Variants in WDR12 observed in about 807,000 individuals in gnomAD.
WDR12 encodes the protein WD repeat domain 12.
WDR12 carries 42 observed loss-of-function variants against 64.3 expected under a neutral mutation model. The observed-to-expected ratio is 0.65, with a 90% CI of 0.51 to 0.84. The LOEUF is 0.84. Ranked by LOEUF, WDR12 falls within the 40% of genes least tolerant of loss-of-function variation. The pLI is 0.00. For missense variants in WDR12, 469 were observed against 494.6 expected, an observed-to-expected ratio of 0.95 and a Z score of 0.49; for synonymous variants, 158 against 173.3, an observed-to-expected ratio of 0.91 and a Z score of 0.70.
chr2:202,879,821 A>T lies in WDR12; in HGVS notation c.*1039T>A, dbSNP rs1001568807. On this transcript the variant is annotated 3_prime_UTR_variant, in exon 13 of 13. Coordinates refer to ENST00000261015, the MANE Select transcript of WDR12 (RefSeq NM_018256.4). ...CAGTGGCACAATCTCAGCTCACTAC[A>T]ACCCCTGCCTCCCGGGTTCAAGCAA... The T allele has an allele frequency of 6.6e-6, 1 of 151,948 alleles. No individual in the cohort carries two copies. Among genetic ancestry groups the T allele is most frequent in the African/African-American group, 2.4e-5 (1 of 41,294 alleles). 9.4% of individuals were successfully genotyped at this position (151,948 alleles called of 1,614,324 possible).
Position 202,880,662 on chromosome 2 carries a change from C to T in WDR12, c.*198G>A, listed in dbSNP as rs142745590. 934 of 345,396 alleles carry T rather than the reference C, an allele frequency of 2.7e-3. 12 individuals carry two copies. The highest frequency in any genetic ancestry group is 0.018 in the African/African-American group (863 of 46,846). 21.4% of individuals were successfully genotyped at this position (345,396 alleles called of 1,614,324 possible). ...AAGTTTGTATAGAGAATGTATGCCA[C>T]AGTTTGTATTTTATAAACACAACCT... On this transcript the variant is annotated 3_prime_UTR_variant, in exon 13 of 13. Transcript: ENST00000261015.
At chr2:202,895,970 C>G (rs1353243860) in intron 6 of WDR12, 95 bp downstream of exon 6, 3 of 1,409,184 alleles carry the variant, frequency 2.1e-6, no homozygotes, top group Middle Eastern at 4.4e-4. Flanking sequence ...TGTTAGGAAA[C>G]TAGGCCAACA....
At chr2:202,897,797 G>A (rs1488565594) in intron 4 of WDR12, among the ~76,000 whole-genome samples, 2 of 147,038 alleles carry the variant, frequency 1.4e-5, no homozygotes, top group Non-Finnish European at 3.0e-5. Context: ...GCTGGGGCAG[G>A]AGAATGGCGT....
chr2:202,887,860 A>G (rs939668071), intron 8 of WDR12, among the ~76,000 whole-genome samples: 1 of 147,370 alleles, frequency 6.8e-6, no homozygotes, highest in Non-Finnish European at 1.5e-5. Context: ...TGCAGTCCGC[A>G]GTCCGACCTG....
At position 202,884,564 on chromosome 2, in the gene WDR12, A is replaced by AGT. The variant is rs756052264; in HGVS notation, c.742-31_742-30dup. ...GAAAGGAAGAACCCCAAAAGGGGAA[A>AGT]GTGTTTTCATTACAGAATAATTGAA... On this transcript the variant is annotated intron_variant, in intron 8 of 12. Transcript: ENST00000261015. 5 of 1,592,758 alleles carry AGT rather than the reference A, an allele frequency of 3.1e-6. 1 individual carries two copies. In the African/African-American group the frequency reaches 6.8e-5, roughly 22 times the overall value.
intron 7 of WDR12, 83 bp downstream of exon 7, chr2:202,894,498 A>T: frequency 8.3e-7 from 1 of 1,209,074 alleles, no homozygotes; most frequent in Non-Finnish European, 1.2e-6. Flanking sequence ...CTGAGATTAT[A>T]GGCGTAAGCC....
chr2:202,889,680 C>A (rs567986664), intron 8 of WDR12, among the ~76,000 whole-genome samples: 2 of 148,886 alleles, frequency 1.3e-5, no homozygotes, highest in Non-Finnish European at 3.0e-5. Context: ...TTTGGAAGGC[C>A]GAGGTGGGAG....
In WDR12 at chr2:202,879,884, G is replaced by A. The variant is rs1283066192; in HGVS notation, c.*976C>T. 2 of 152,198 alleles carry A rather than the reference G, an allele frequency of 1.3e-5. No homozygotes were observed. Among genetic ancestry groups the A allele is most frequent in the Non-Finnish European group, 2.9e-5 (2 of 68,140 alleles). The allele number at this position is 152,198 out of a possible 1,614,324, so 9.4% of individuals were successfully genotyped here. A position where few individuals can be genotyped will look rare whatever the true frequency, so the allele number is the denominator to read the frequency against. On this transcript the variant is annotated 3_prime_UTR_variant, in exon 13 of 13. Coordinates refer to ENST00000261015, the MANE Select transcript of WDR12 (RefSeq NM_018256.4). ...AGCCTCCCAAGTAGTTGGGATTACAGGCGGTCGCCACCATGCCCAGCTAAT... is the reference window on the plus strand; with the variant it reads ...AGCCTCCCAAGTAGTTGGGATTACAAGCGGTCGCCACCATGCCCAGCTAAT...
intron 12 of WDR12, 132 bp from the exon 13 acceptor site, chr2:202,881,069 AGAGT>A (rs1687941007): frequency 1.2e-5 from 8 of 687,914 alleles, no homozygotes; most frequent in South Asian, 2.4e-5. Context: ...ACTTGCATTG[AGAGT>A]GAGTAAAGGG....
intron 12 of WDR12, among the ~76,000 whole-genome samples, chr2:202,881,877 A>G (rs1457429155): frequency 6.6e-6 from 1 of 152,060 alleles, no homozygotes; most frequent in African/African-American, 2.4e-5. Context: ...AAAAACAACA[A>G]AAAACCCACT....
chr2:202,894,410 C>CG (rs999800235), intron 7 of WDR12, among the ~76,000 whole-genome samples, 171 bp downstream of exon 7: 10 of 152,152 alleles, frequency 6.6e-5, no homozygotes, highest in Admixed American at 2.6e-4. Flanking sequence ...TTAGTAGAGA[C>CG]GGGGTCTCAC....
rs1304062874 is a variant in WDR12 at position 202,901,126 on chromosome 2, A to C, written c.137-7T>G. The C allele has an allele frequency of 6.3e-7, 1 of 1,582,748 alleles. No individual in the cohort carries two copies. Among genetic ancestry groups the C allele is most frequent in the Non-Finnish European group, 8.6e-7 (1 of 1,157,784 alleles). ...TCCACATGTTTGTGGAACTCTGAGGAAAATACATAACAAAATTATCACTCT... is the reference window on the plus strand; with the variant it reads ...TCCACATGTTTGTGGAACTCTGAGGCAAATACATAACAAAATTATCACTCT... On this transcript the variant is annotated splice_polypyrimidine_tract_variant and splice_region_variant and intron_variant, in intron 2 of 12. Transcript: ENST00000261015.
At chr2:202,896,285 G>A in intron 5 of WDR12, 66 bp from the exon 6 acceptor site, 3 of 1,466,152 alleles carry the variant, frequency 2.0e-6, no homozygotes, top group Non-Finnish European at 1.8e-6. Context: ...ATCATGTTCT[G>A]AAACCAAAGA....
At chr2:202,897,453 G>A (rs1688268370) in intron 4 of WDR12, 38 bp from the exon 5 acceptor site, 1 of 1,222,952 alleles carries the variant, frequency 8.2e-7, no homozygotes, top group Non-Finnish European at 1.1e-6. Flanking sequence ...ACAAAAAGCA[G>A]TTTTTCCAAA....
At chr2:202,901,441 C>G (rs2105910468) in intron 2 of WDR12, among the ~76,000 whole-genome samples, 1 of 152,258 alleles carries the variant, frequency 6.6e-6, no homozygotes, top group South Asian at 2.1e-4. Flanking sequence ...CATTCCCCGG[C>G]TGGTTTATTT....
chr2:202,881,524 T>G (rs1414400225), intron 12 of WDR12, among the ~76,000 whole-genome samples: 1 of 152,178 alleles, frequency 6.6e-6, no homozygotes, highest in East Asian at 1.9e-4. Context: ...CTCACACCTG[T>G]AATTCTAACA....
chr2:202,911,586 C>G lies in WDR12; in HGVS notation c.-110G>C. 9.9e-7 allele frequency: 1 copy of G among 1,014,602 alleles called. No individual in the cohort carries two copies. Among genetic ancestry groups the G allele is most frequent in the South Asian group, 1.3e-5 (1 of 76,856 alleles). The allele number at this position is 1,014,602 out of a possible 1,614,324, so 62.8% of individuals were successfully genotyped here. ...AGAGGCAGCTCAAAATTAGACTGCACAGGTAAGCGAGGAACTGCAGTCTAA... is the reference window on the plus strand; with the variant it reads ...AGAGGCAGCTCAAAATTAGACTGCAGAGGTAAGCGAGGAACTGCAGTCTAA... On this transcript the variant is annotated 5_prime_UTR_variant, in exon 1 of 13. Coordinates refer to ENST00000261015, the MANE Select transcript of WDR12 (RefSeq NM_018256.4).
At chr2:202,901,891 T>C (rs952221049) in intron 2 of WDR12, among the ~76,000 whole-genome samples, 6 of 152,176 alleles carry the variant, frequency 3.9e-5, no homozygotes, top group Admixed American at 6.5e-5. Context: ...GGCAGTATTG[T>C]CTATTTCCTG....
rs1243570015 is a variant in WDR12 at position 202,897,328 on chromosome 2, A to T, written c.426T>A (p.Val142=). ...SIMTIVGHTD[V]VKDVAWVKKD... is the part of the protein sequence containing the mutation. ...TTTTCACCCAGGCCACATCTTTTAC[A>T]ACATCCGTATGTCCCACAATTGTCA... Residue 142 remains valine, a synonymous_variant, in exon 5 of 13, where the codon GTT becomes GTA. Transcript: ENST00000261015. The T allele has an allele frequency of 1.1e-5, 17 of 1,600,442 alleles. No homozygotes were observed. The highest frequency in any genetic ancestry group is 1.3e-5 in the Non-Finnish European group (15 of 1,174,686).
Sources: allele counts gnomAD v4.1 joint callset (sites outside exome capture counted in the v4.1 genomes callset), GRCh38; gene constraint gnomAD v4.1.1; transcripts MANE v1.5; gene names NCBI Gene and HGNC (gene_info 2026-07-23, HGNC 2026-07-21).